Variants in MECOM observed in about 807,000 individuals in gnomAD.
The protein encoded by MECOM is MDS1 and EVI1 complex locus, also known as histone-lysine N-methyltransferase MECOM.
Under a neutral mutation model 116.3 loss-of-function variants are expected in MECOM, and 13 were observed. The ratio of observed to expected loss-of-function variants is 0.11; its 90% CI spans 0.07 to 0.18. The LOEUF is 0.18. MECOM is among the 10% of genes least tolerant of loss of function. MECOM has a pLI of 1.00. For missense variants in MECOM, 1,299 were observed against 1,509.0 expected, an observed-to-expected ratio of 0.86 and a Z score of 2.31; for synonymous variants, 528 against 535.2, an observed-to-expected ratio of 0.99 and a Z score of 0.19.
intron 1 of MECOM, among the ~76,000 whole-genome samples, chr3:169,403,511 C>T (rs1477198343): frequency 6.6e-6 from 1 of 152,138 alleles, no homozygotes; most frequent in African/African-American, 2.4e-5. Flanking sequence ...GCACACAAAG[C>T]AAATCCTGTC....
intron 1 of MECOM, among the ~76,000 whole-genome samples, chr3:169,477,443 A>T (rs1033239633): frequency 3.3e-5 from 5 of 151,904 alleles, no homozygotes; most frequent in Admixed American, 2.6e-4. Context: ...ATAAAAGAGA[A>T]TTTTTTTCTG....
At chr3:169,382,088 G>A (rs182229771) in intron 1 of MECOM, among the ~76,000 whole-genome samples, 1 of 152,220 alleles carries the variant, frequency 6.6e-6, no homozygotes, top group Non-Finnish European at 1.5e-5. Flanking sequence ...ATGTCACCAA[G>A]CCCTTGGTAT....
chr3:169,094,225 T>C (rs903297884), intron 13 of MECOM, among the ~76,000 whole-genome samples: 5 of 152,170 alleles, frequency 3.3e-5, no homozygotes, highest in Non-Finnish European at 7.4e-5. Flanking sequence ...ATTCCATAAA[T>C]AAAGATTGCT....
At chr3:169,584,387 A>C (rs1765504615) in intron 1 of MECOM, among the ~76,000 whole-genome samples, 1 of 151,470 alleles carries the variant, frequency 6.6e-6, no homozygotes, top group Non-Finnish European at 1.5e-5. Flanking sequence ...AACACGGTGA[A>C]ACCCCGTCTC....
At chr3:169,422,142 A>C (rs996559046) in intron 1 of MECOM, among the ~76,000 whole-genome samples, 1 of 152,180 alleles carries the variant, frequency 6.6e-6, no homozygotes, top group East Asian at 1.9e-4. Flanking sequence ...GTACCAATAA[A>C]TACTCTCAAT....
chr3:169,632,764 T>C (rs554474005), intron 1 of MECOM, among the ~76,000 whole-genome samples: 1 of 152,364 alleles, frequency 6.6e-6, no homozygotes, highest in East Asian at 1.9e-4. Context: ...CTGTCTGAGT[T>C]AGCTTATCCC....
chr3:169,148,717 T>C (rs1740588754), intron 2 of MECOM, among the ~76,000 whole-genome samples: 2 of 152,286 alleles, frequency 1.3e-5, no homozygotes, highest in Middle Eastern at 3.4e-3. Flanking sequence ...CACTTTTTGT[T>C]TTCTCCAAGT....
intron 2 of MECOM, among the ~76,000 whole-genome samples, chr3:169,291,889 A>C (rs1010904471): frequency 2.6e-5 from 4 of 152,144 alleles, no homozygotes; most frequent in Non-Finnish European, 5.9e-5. Context: ...TGATCATGTG[A>C]ATAATACCAC....
At chr3:169,222,241 C>T (rs1469037299) in intron 2 of MECOM, among the ~76,000 whole-genome samples, 1 of 152,178 alleles carries the variant, frequency 6.6e-6, no homozygotes, top group Non-Finnish European at 1.5e-5. Flanking sequence ...TATTAGCTAG[C>T]TAATTAAAGC....
chr3:169,477,101 GTGTGTATATATATATATATATATATA>G (rs1415988721), intron 1 of MECOM: 2 of 51,678 alleles, frequency 3.9e-5, no homozygotes, highest in Non-Finnish European at 6.3e-5. Context: ...GTGTGTGTGT[GTGTGTATATATATATATATATATATA>G]TATATATATA....
At chr3:169,456,525 C>T (rs1039361305) in intron 1 of MECOM, among the ~76,000 whole-genome samples, 2 of 152,074 alleles carry the variant, frequency 1.3e-5, no homozygotes, top group Non-Finnish European at 2.9e-5. Flanking sequence ...TTACTCTTGC[C>T]ATGAGAAAAG....
At chr3:169,544,384 T>C (rs1369226491) in intron 1 of MECOM, among the ~76,000 whole-genome samples, 2 of 152,196 alleles carry the variant, frequency 1.3e-5, no homozygotes, top group Non-Finnish European at 2.9e-5. Flanking sequence ...TACCCAGTAA[T>C]GGTATTGCTG....
chr3:169,606,420 A>G (rs1560486815), intron 1 of MECOM, among the ~76,000 whole-genome samples: 4 of 151,912 alleles, frequency 2.6e-5, no homozygotes, highest in African/African-American at 9.7e-5. Context: ...AAAAAAAAAA[A>G]AAAGAAAAAG....
intron 2 of MECOM, among the ~76,000 whole-genome samples, chr3:169,374,942 C>G (rs925775513): frequency 6.6e-6 from 1 of 151,772 alleles, no homozygotes; most frequent in Non-Finnish European, 1.5e-5. Context: ...AAGACTGAGG[C>G]TGGAAAATGG....
chr3:169,309,235 A>G (rs76310500), intron 2 of MECOM, among the ~76,000 whole-genome samples: 4,481 of 152,314 alleles, frequency 0.029, 108 homozygotes, highest in Middle Eastern at 0.061. Flanking sequence ...TTTTGACAAA[A>G]AAACCTAAAT....
chr3:169,329,835 T>C (rs1722442856), intron 2 of MECOM, among the ~76,000 whole-genome samples: 1 of 152,194 alleles, frequency 6.6e-6, no homozygotes, highest in South Asian at 2.1e-4. Context: ...CCAATGAGCA[T>C]TTAAAGCTGA....
chr3:169,183,819 C>CACACAT (rs1553761844), intron 2 of MECOM, among the ~76,000 whole-genome samples: 3 of 87,578 alleles, frequency 3.4e-5, no homozygotes, highest in African/African-American at 1.4e-4. Context: ...CACACACACA[C>CACACAT]ATATATATAT....
At chr3:169,458,170 T>C (rs1483230085) in intron 1 of MECOM, among the ~76,000 whole-genome samples, 2 of 152,196 alleles carry the variant, frequency 1.3e-5, no homozygotes, top group African/African-American at 4.8e-5. Flanking sequence ...GTTTTAACAC[T>C]CAGGTTATGA....
chr3:169,202,510 C>T (rs1396422971), intron 2 of MECOM, among the ~76,000 whole-genome samples: 6 of 151,854 alleles, frequency 4.0e-5, no homozygotes, highest in Admixed American at 2.0e-4. Context: ...AGACTAAATT[C>T]TGTATTATTT....
Sources: allele counts gnomAD v4.1 joint callset (sites outside exome capture counted in the v4.1 genomes callset), GRCh38; gene constraint gnomAD v4.1.1; transcripts MANE v1.5; gene names NCBI Gene and HGNC (gene_info 2026-07-23, HGNC 2026-07-21).